The following KAZN variants were observed in gnomAD, a reference collection of about 807,000 sequenced individuals.
The protein encoded by KAZN is kazrin, periplakin interacting protein, also known as kazrin.
KAZN carries 40 observed loss-of-function variants against 87.4 expected under a neutral mutation model. The ratio of observed to expected loss-of-function variants is 0.46; its 90% confidence interval spans 0.36 to 0.60. The LOEUF (loss-of-function observed/expected upper bound fraction) is 0.60. Ranked by LOEUF, KAZN falls within the 20% of genes least tolerant of loss-of-function variation. The probability of loss-of-function intolerance (pLI) is 0.00; values close to 1 mark genes in which losing one functional copy is unlikely to be tolerated. For missense variants in KAZN, 898 were observed against 1,073.9 expected, an observed-to-expected ratio of 0.84 and a Z score of 2.29; for synonymous variants, 466 against 458.3, an observed-to-expected ratio of 1.02 and a Z score of -0.22.
chr1:14,374,627 A>T (rs957152998), intron 2 of KAZN, among the ~76,000 whole-genome samples: 3 of 152,190 alleles, frequency 2.0e-5, no homozygotes, highest in African/African-American at 7.2e-5. Flanking sequence ...TCAGTGGTAA[A>T]GAAAGATGAA....
chr1:14,650,305 A>C (rs1638279402), intron 1 of KAZN, among the ~76,000 whole-genome samples: 1 of 152,208 alleles, frequency 6.6e-6, no homozygotes, highest in African/African-American at 2.4e-5. Context: ...CTGTAATCCC[A>C]GCACTTTGGC....
chr1:14,497,300 T>A (rs891496790), intron 2 of KAZN, among the ~76,000 whole-genome samples: 5 of 138,516 alleles, frequency 3.6e-5, no homozygotes, highest in Non-Finnish European at 4.5e-5. Flanking sequence ...AGTTGTAGAG[T>A]TTGGTCTTTT....
At chr1:14,652,099 A>G (rs969759167) in intron 1 of KAZN, among the ~76,000 whole-genome samples, 1 of 152,238 alleles carries the variant, frequency 6.6e-6, no homozygotes, top group Non-Finnish European at 1.5e-5. Context: ...ACCTTCAGGA[A>G]TGAAAAATCA....
chr1:14,195,511 T>TCTCACA (rs71570187), intron 2 of KAZN, among the ~76,000 whole-genome samples: 6 of 146,090 alleles, frequency 4.1e-5, no homozygotes, highest in Non-Finnish European at 6.0e-5. Context: ...CAAAAACGGC[T>TCTCACA]CACACACACA....
chr1:14,372,833 T>C (rs992759740), intron 2 of KAZN, among the ~76,000 whole-genome samples: 1 of 152,200 alleles, frequency 6.6e-6, no homozygotes, highest in Non-Finnish European at 1.5e-5. Context: ...GTGAGCAAAA[T>C]GATCAAGGTT....
chr1:14,443,727 G>C (rs1666824065), intron 2 of KAZN, among the ~76,000 whole-genome samples: 1 of 152,178 alleles, frequency 6.6e-6, no homozygotes, highest in Non-Finnish European at 1.5e-5. Context: ...AGGCATTAAA[G>C]GTGCATTGTT....
chr1:14,865,221 G>A (rs1159381560), intron 1 of KAZN, among the ~76,000 whole-genome samples: 1 of 152,150 alleles, frequency 6.6e-6, no homozygotes, highest in Non-Finnish European at 1.5e-5. Context: ...GGCACCAAGA[G>A]GAAGAGACTT....
intron 1 of KAZN, among the ~76,000 whole-genome samples, chr1:14,959,968 G>A (rs115379523): frequency 6.6e-6 from 1 of 152,210 alleles, no homozygotes; most frequent in African/African-American, 2.4e-5. Flanking sequence ...TGTATGTAGG[G>A]TTGGATTTAA....
intron 2 of KAZN, among the ~76,000 whole-genome samples, chr1:14,581,734 C>CA (rs1675562443): frequency 6.6e-6 from 1 of 152,190 alleles, no homozygotes; most frequent in South Asian, 2.1e-4. Flanking sequence ...GTTTCTCAGA[C>CA]AAGTCAGGGC....
intron 10 of KAZN, among the ~76,000 whole-genome samples, chr1:15,098,074 A>G (rs944958510): frequency 2.6e-5 from 4 of 152,202 alleles, no homozygotes; most frequent in African/African-American, 9.6e-5. Flanking sequence ...TCCCCGTTTT[A>G]CAGAGGAGAA....
chr1:14,931,138 T>G (rs1659764200), intron 1 of KAZN, among the ~76,000 whole-genome samples: 1 of 151,860 alleles, frequency 6.6e-6, no homozygotes, highest in South Asian at 2.1e-4. Flanking sequence ...ATATGAAACC[T>G]TAGAAAAGGT....
intron 4 of KAZN, among the ~76,000 whole-genome samples, chr1:15,047,736 A>G (rs556047479): frequency 4.1e-4 from 62 of 151,996 alleles, no homozygotes; most frequent in African/African-American, 1.5e-3. Context: ...GCACCACTGC[A>G]CTCCAGCCTG....
chr1:14,488,903 A>C (rs1322488584), intron 2 of KAZN, among the ~76,000 whole-genome samples: 1 of 152,140 alleles, frequency 6.6e-6, no homozygotes, highest in African/African-American at 2.4e-5. Flanking sequence ...TGTTTGGAGG[A>C]CAGGATTCAT....
intron 2 of KAZN, among the ~76,000 whole-genome samples, chr1:14,263,269 A>G (rs1234075807): frequency 6.6e-6 from 1 of 152,228 alleles, no homozygotes; most frequent in African/African-American, 2.4e-5. Context: ...GATGTAATAC[A>G]AATGTCAGCT....
rs141085366 is a variant in KAZN, at chr1:15,103,390, C to T, written c.1811C>T (p.Thr604Met). Residue 604 changes from threonine to methionine, a missense_variant, in exon 12 of 15, where the codon ACG (threonine) becomes ATG (methionine). Physicochemically the swap from Thr to Met is moderately conservative, Grantham distance 81. Coordinates refer to ENST00000376030, the MANE Select transcript of KAZN (RefSeq NM_201628.3). ...CAGGAGCGCCGGGCCCGCTGCGAGA[C>T]GCAGAACATTGACCCCGTGGTGTGG... ...ALQERRARCE[T>M]QNIDPVVWTN... 2.6e-4 allele frequency: 404 copies of T among 1,552,114 alleles called. 1 individual carries two copies. In the African/African-American group the frequency reaches 3.5e-3, roughly 13 times the overall value.
intron 1 of KAZN, among the ~76,000 whole-genome samples, chr1:14,899,645 G>A (rs981819256): frequency 6.6e-6 from 1 of 151,976 alleles, no homozygotes; most frequent in Non-Finnish European, 1.5e-5. Flanking sequence ...CATGAGGCCC[G>A]GATTTAAATC....
At chr1:14,014,785 T>G (rs948278557) in intron 1 of KAZN, among the ~76,000 whole-genome samples, 3 of 152,168 alleles carry the variant, frequency 2.0e-5, no homozygotes, top group Non-Finnish European at 4.4e-5. Flanking sequence ...TGGAGCCCTG[T>G]TTAAAATAAT....
At chr1:14,316,465 A>G (rs2100826291) in intron 2 of KAZN, among the ~76,000 whole-genome samples, 1 of 152,106 alleles carries the variant, frequency 6.6e-6, no homozygotes, top group Admixed American at 6.6e-5. Flanking sequence ...TTACTTGATC[A>G]ACCTAGCTAA....
intron 2 of KAZN, among the ~76,000 whole-genome samples, chr1:14,549,235 C>G (rs1252060667): frequency 1.3e-5 from 2 of 152,172 alleles, no homozygotes; most frequent in Admixed American, 1.3e-4. Flanking sequence ...CACCAGCTGC[C>G]TAGCCATTAT....
Sources: allele counts gnomAD v4.1 joint callset (sites outside exome capture counted in the v4.1 genomes callset), GRCh38; gene constraint gnomAD v4.1.1; transcripts MANE v1.5; gene names NCBI Gene and HGNC (gene_info 2026-07-23, HGNC 2026-07-21).